The following DAB1 variants were observed in gnomAD, a reference collection of about 807,000 sequenced individuals.
The protein encoded by DAB1 is disabled homolog 1.
A neutral mutation model predicts 64.6 loss-of-function variants in DAB1; 15 were observed. The observed-to-expected ratio is 0.23, with a 90% CI of 0.16 to 0.36. The LOEUF is 0.36. Ranked by LOEUF, DAB1 falls within the 10% of genes least tolerant of loss-of-function variation. DAB1 has a pLI of 1.00. For missense variants in DAB1, 596 were observed against 706.7 expected, an observed-to-expected ratio of 0.84 and a Z score of 1.78; for synonymous variants, 235 against 251.9, an observed-to-expected ratio of 0.93 and a Z score of 0.64.
At chr1:57,058,891 C>A (rs1650104471) in intron 9 of DAB1, among the ~76,000 whole-genome samples, 1 of 152,210 alleles carries the variant, frequency 6.6e-6, no homozygotes, top group Admixed American at 6.5e-5. Flanking sequence ...GAGATGTGAT[C>A]TCTGCCAAGG....
chr1:57,775,176 T>C lies in DAB1; in HGVS notation n.551+108823A>G, dbSNP rs569182557. ...TCTTTTTTCTTGGTTAGCATAATTA[T>C]ATGTTTATTAAAGTTTTATTGACCT... is the stretch of plus-strand genomic sequence containing the variant. On this transcript the variant is annotated intron_variant and non_coding_transcript_variant, in intron 6 of 20. Coordinates refer to the DAB1 transcript ENST00000485760. Among the ~76,000 whole-genome samples, 5 of 151,642 alleles carry C rather than the reference T, an allele frequency of 3.3e-5. No individual in the cohort carries two copies. The South Asian group carries it at 1.0e-3, about 31-fold the overall frequency.
At chr1:57,663,340 G>A (rs1438032812) in intron 6 of DAB1, among the ~76,000 whole-genome samples, 1 of 152,150 alleles carries the variant, frequency 6.6e-6, no homozygotes, top group African/African-American at 2.4e-5. Flanking sequence ...ACAATTTGAC[G>A]TGAGATTTTG....
chr1:58,390,947 C>T (rs1368904659), intron 3 of DAB1, among the ~76,000 whole-genome samples: 1 of 152,190 alleles, frequency 6.6e-6, no homozygotes, highest in Non-Finnish European at 1.5e-5. Flanking sequence ...GCAGCTCTTA[C>T]CTCCCTTCCT....
At chr1:57,750,778 T>G (rs1416336070) in intron 6 of DAB1, among the ~76,000 whole-genome samples, 1 of 152,132 alleles carries the variant, frequency 6.6e-6, no homozygotes, top group East Asian at 1.9e-4. Context: ...TTACCCGCTG[T>G]GAGAGGCTTG....
intron 10 of DAB1, among the ~76,000 whole-genome samples, chr1:57,023,869 T>C (rs1051875154): frequency 2.0e-5 from 3 of 152,188 alleles, no homozygotes; most frequent in Admixed American, 6.5e-5. Context: ...TTATTTTACA[T>C]TACTTAAATT....
intron 7 of DAB1, among the ~76,000 whole-genome samples, chr1:57,523,529 T>A (rs188575637): frequency 2.0e-5 from 3 of 152,240 alleles, no homozygotes; most frequent in East Asian, 3.9e-4. Context: ...AGAAAATACA[T>A]CCAGCGAAAG....
chr1:57,460,665 G>A (rs1440601647), intron 7 of DAB1, among the ~76,000 whole-genome samples: 1 of 152,140 alleles, frequency 6.6e-6, no homozygotes, highest in Non-Finnish European at 1.5e-5. Flanking sequence ...GAGGAGTAGA[G>A]ACACTAATAA....
intron 7 of DAB1, among the ~76,000 whole-genome samples, chr1:57,598,971 T>C (rs61769601): frequency 0.23 from 34,395 of 151,864 alleles, 4,713 homozygotes; most frequent in African/African-American, 0.39. Context: ...GCCAAGACTC[T>C]CAACTCCCTT....
intron 6 of DAB1, among the ~76,000 whole-genome samples, chr1:57,786,950 C>T (rs767143086): frequency 2.0e-5 from 3 of 151,858 alleles, no homozygotes; most frequent in Non-Finnish European, 2.9e-5. Context: ...GGGCATAAAT[C>T]TAACAAAAAC....
intron 5 of DAB1, among the ~76,000 whole-genome samples, chr1:58,086,887 C>G (rs1157628366): frequency 3.3e-5 from 5 of 152,048 alleles, no homozygotes. Flanking sequence ...TCCTGATGTT[C>G]CAACAACACA....
intron 3 of DAB1, among the ~76,000 whole-genome samples, chr1:57,140,542 G>A (rs1658500414): frequency 6.6e-6 from 1 of 152,082 alleles, no homozygotes; most frequent in Non-Finnish European, 1.5e-5. Context: ...CTACAAATAT[G>A]TCCAAAAGTT....
intron 3 of DAB1, among the ~76,000 whole-genome samples, chr1:58,503,224 G>A (rs904550671): frequency 5.3e-5 from 8 of 152,088 alleles, no homozygotes; most frequent in Admixed American, 2.6e-4. Context: ...AAATCATATT[G>A]TTATCATTGC....
chr1:57,593,992 C>G (rs1645477122), intron 7 of DAB1, among the ~76,000 whole-genome samples: 1 of 152,102 alleles, frequency 6.6e-6, no homozygotes, highest in African/African-American at 2.4e-5. Flanking sequence ...GTATGCCTTG[C>G]CTATGATGGA....
At chr1:57,071,488 G>A (rs746590813) in intron 6 of DAB1, 34 bp downstream of exon 6, 5 of 1,593,994 alleles carry the variant, frequency 3.1e-6, no homozygotes, top group African/African-American at 2.7e-5. Context: ...TTGAAGGCCC[G>A]ATCTCCAGCG....
At chr1:58,455,402 G>A (rs1051752159) in intron 3 of DAB1, among the ~76,000 whole-genome samples, 1 of 152,204 alleles carries the variant, frequency 6.6e-6, no homozygotes, top group Non-Finnish European at 1.5e-5. Context: ...CCCACCCCGC[G>A]GACAGGCGCA....
chr1:58,390,817 A>G (rs1402018090), intron 3 of DAB1, among the ~76,000 whole-genome samples: 1 of 152,084 alleles, frequency 6.6e-6, no homozygotes, highest in Non-Finnish European at 1.5e-5. Context: ...ACAGAGGTGA[A>G]GTAAGTCATT....
intron 7 of DAB1, among the ~76,000 whole-genome samples, chr1:57,491,046 T>C (rs1286153141): frequency 1.3e-5 from 2 of 152,210 alleles, no homozygotes; most frequent in African/African-American, 4.8e-5. Flanking sequence ...TCGGATCCAA[T>C]TCCCATCTCA....
At chr1:57,816,433 T>C (rs547240363) in intron 6 of DAB1, among the ~76,000 whole-genome samples, 114 of 152,338 alleles carry the variant, frequency 7.5e-4, no homozygotes, top group African/African-American at 2.7e-3. Context: ...ACACAGCTCA[T>C]ATGAATTACA....
chr1:58,006,264 A>G (rs1456937891), intron 5 of DAB1, among the ~76,000 whole-genome samples: 1 of 152,166 alleles, frequency 6.6e-6, no homozygotes, highest in Admixed American at 6.5e-5. Flanking sequence ...TATTACTTAG[A>G]GATTGAGTGA....
Sources: allele counts gnomAD v4.1 joint callset (sites outside exome capture counted in the v4.1 genomes callset), GRCh38; gene constraint gnomAD v4.1.1; transcripts MANE v1.5; gene names NCBI Gene and HGNC (gene_info 2026-07-23, HGNC 2026-07-21).